KHDRBS2: variants seen among roughly 807,000 people sequenced by gnomAD.
The protein encoded by KHDRBS2 is KH RNA binding domain containing, signal transduction associated 2.
KHDRBS2 carries 26 observed loss-of-function variants against 44.3 expected under a neutral mutation model. The observed-to-expected ratio is 0.59, with a 90% CI of 0.43 to 0.81. The LOEUF (loss-of-function observed/expected upper bound fraction) is 0.81, where lower values mean the gene tolerates loss of function less well. Among genes scored for constraint, KHDRBS2 ranks in the 40% least tolerant of loss-of-function variants. The probability of loss-of-function intolerance (pLI) is 0.00; values close to 1 mark genes in which losing one functional copy is unlikely to be tolerated. For synonymous variants in KHDRBS2, 194 were observed against 151.1 expected, an observed-to-expected ratio of 1.28 and a Z score of -2.08; for missense variants, 476 against 433.1, an observed-to-expected ratio of 1.10 and a Z score of -0.88.
chr6:61,798,024 TCTC>T (rs1179820715), intron 6 of KHDRBS2, among the ~76,000 whole-genome samples: 1 of 151,904 alleles, frequency 6.6e-6, no homozygotes, highest in African/African-American at 2.4e-5. Flanking sequence ...CCTCCCACCT[TCTC>T]CTCTCAAGTC....
intron 6 of KHDRBS2, among the ~76,000 whole-genome samples, chr6:61,812,045 A>G (rs1414336973): frequency 1.3e-5 from 2 of 152,070 alleles, no homozygotes; most frequent in Non-Finnish European, 2.9e-5. Context: ...TAGCATATGG[A>G]AAAGATCTTT....
At chr6:62,010,924 C>T (rs769941383) in intron 3 of KHDRBS2, among the ~76,000 whole-genome samples, 2 of 152,048 alleles carry the variant, frequency 1.3e-5, no homozygotes, top group African/African-American at 2.4e-5. Flanking sequence ...AGGGCCCAAA[C>T]ATTCCACCTC....
Position 61,773,702 on chromosome 6 carries a change from A to G in KHDRBS2, c.811-40938T>C, listed in dbSNP as rs916303400. On this transcript the variant is annotated intron_variant, in intron 6 of 8. Transcript: ENST00000281156. ...GTTGCCATTGCTTTTGGTGTTGTAG[A>G]CATGAAGTCCTTGCCCATGCCTATG... Among the ~76,000 whole-genome samples the G allele has an allele frequency of 3.4e-3, 515 of 151,698 alleles. 7 individuals carry two copies. Among genetic ancestry groups the G allele is most frequent in the Non-Finnish European group, 1.5e-3 (105 of 67,956 alleles).
intron 3 of KHDRBS2, among the ~76,000 whole-genome samples, chr6:62,022,818 A>T (rs1782592395): frequency 1.3e-5 from 2 of 151,696 alleles, no homozygotes; most frequent in Admixed American, 1.3e-4. Flanking sequence ...ACGAGTTAAT[A>T]TTTTGTTTAT....
chr6:61,597,468 G>A, the KHDRBS2 span, among the ~76,000 whole-genome samples: 1 of 151,788 alleles, frequency 6.6e-6, no homozygotes, highest in Non-Finnish European at 1.5e-5. Context: ...TCCTCAAGAG[G>A]TCTCACAGTC....
chr6:62,051,992 T>C (rs945599454), intron 2 of KHDRBS2, among the ~76,000 whole-genome samples: 1 of 151,956 alleles, frequency 6.6e-6, no homozygotes, highest in Non-Finnish European at 1.5e-5. Context: ...TACCAAATTT[T>C]TACTTGAGTG....
Position 61,818,409 on chromosome 6 carries a change from G to T in KHDRBS2, c.810+76226C>A, listed in dbSNP as rs1789335952. Among the ~76,000 whole-genome samples the T allele has an allele frequency of 2.6e-5, 4 of 151,736 alleles. 1 individual carries two copies. The South Asian group carries it at 8.3e-4, about 31-fold the overall frequency. On this transcript the variant is annotated intron_variant, in intron 6 of 8. Transcript: ENST00000281156. ...ATAGAAGAAATAATGATTAAAAAGAGAAGTGGAAGCACCAATGCTAAAAAA... is the reference window on the plus strand; with the variant it reads ...ATAGAAGAAATAATGATTAAAAAGATAAGTGGAAGCACCAATGCTAAAAAA...
At chr6:61,895,469 G>A (rs897581826) in intron 5 of KHDRBS2, among the ~76,000 whole-genome samples, 4 of 152,158 alleles carry the variant, frequency 2.6e-5, no homozygotes, top group African/African-American at 9.7e-5. Flanking sequence ...CCCTGAACTG[G>A]TGCAGTCCCT....
chr6:62,087,201 A>G (rs1277665693), intron 2 of KHDRBS2, among the ~76,000 whole-genome samples: 1 of 152,118 alleles, frequency 6.6e-6, no homozygotes, highest in Non-Finnish European at 1.5e-5. Flanking sequence ...TGATCCATAT[A>G]ACATTCCACA....
rs33984802 is a variant in KHDRBS2, at chr6:62,172,698, G to GAAAA, written c.219+4483_219+4486dup. On this transcript the variant is annotated intron_variant, in intron 2 of 8. Transcript: ENST00000281156. ...GCCATAAAACAATCCCCAGCAAACT[G>GAAAA]AAAAAAAAAAAAAAAAAAAAACCTG... Among the ~76,000 whole-genome samples the GAAAA allele has an allele frequency of 9.8e-4, 72 of 73,422 alleles. 1 individual carries two copies. The highest frequency in any genetic ancestry group is 1.4e-3 in the East Asian group (3 of 2,154). The allele number at this position is 73,422 out of a possible 152,430, so 48.2% of individuals were successfully genotyped here. A position where few individuals can be genotyped will look rare whatever the true frequency, so the allele number is the denominator to read the frequency against.
intron 2 of KHDRBS2, among the ~76,000 whole-genome samples, chr6:62,058,507 T>C (rs1790837591): frequency 6.6e-6 from 1 of 151,846 alleles, no homozygotes; most frequent in Non-Finnish European, 1.5e-5. Flanking sequence ...TATCCTTGTG[T>C]TTGTTGCCAT....
At chr6:62,101,080 C>T (rs969675605) in intron 2 of KHDRBS2, among the ~76,000 whole-genome samples, 9 of 152,128 alleles carry the variant, frequency 5.9e-5, no homozygotes, top group African/African-American at 1.9e-4. Flanking sequence ...ATAGCTCATT[C>T]ATAATGTGGC....
At chr6:61,792,227 C>T (rs1784729808) in intron 6 of KHDRBS2, among the ~76,000 whole-genome samples, 1 of 151,486 alleles carries the variant, frequency 6.6e-6, no homozygotes, top group South Asian at 2.1e-4. Flanking sequence ...CCATCCACCG[C>T]TCCTAACCTT....
Position 61,742,873 on chromosome 6 carries a change from T to C in KHDRBS2, c.811-10109A>G, listed in dbSNP as rs570235693. ...GAAGCTATTCTGTACCTTCCTTTCC[T>C]ATGTAGATTGTAGCTGCTAAACAAT... On this transcript the variant is annotated intron_variant, in intron 6 of 8. Coordinates refer to ENST00000281156, the MANE Select transcript of KHDRBS2 (RefSeq NM_152688.4). Among the ~76,000 whole-genome samples the C allele has an allele frequency of 2.5e-4, 38 of 152,256 alleles. No individual in the cohort carries two copies. In the South Asian group the frequency reaches 7.2e-3, roughly 29 times the overall value.
At chr6:61,826,444 G>T (rs1790874059) in intron 6 of KHDRBS2, among the ~76,000 whole-genome samples, 1 of 152,028 alleles carries the variant, frequency 6.6e-6, no homozygotes, top group Non-Finnish European at 1.5e-5. Flanking sequence ...GTCTCTCATG[G>T]TGGCTGCTTT....
intron 6 of KHDRBS2, among the ~76,000 whole-genome samples, chr6:61,834,292 A>C (rs1389430623): frequency 6.6e-6 from 1 of 152,036 alleles, no homozygotes; most frequent in Non-Finnish European, 1.5e-5. Flanking sequence ...CACAAAAGGC[A>C]TTTTCCTTAC....
intron 7 of KHDRBS2, among the ~76,000 whole-genome samples, chr6:61,698,119 C>G (rs968555678): frequency 7.2e-5 from 11 of 152,152 alleles, no homozygotes; most frequent in African/African-American, 2.7e-4. Context: ...TTTTCACATT[C>G]AATGGTCAAG....
chr6:61,946,404 C>T (rs1813382993), intron 4 of KHDRBS2, among the ~76,000 whole-genome samples: 1 of 152,166 alleles, frequency 6.6e-6, no homozygotes, highest in Non-Finnish European at 1.5e-5. Context: ...TGCTGTCTTG[C>T]TTGGCACTAG....
At chr6:61,579,126 A>T in the KHDRBS2 span, among the ~76,000 whole-genome samples, 1 of 152,120 alleles carries the variant, frequency 6.6e-6, no homozygotes, top group East Asian at 1.9e-4. Context: ...TATAGAGAAC[A>T]CATTAGCTAT....
Sources: gnomAD v4.1 joint callset for allele counts (sites outside exome capture counted in the v4.1 genomes callset) on GRCh38, gnomAD v4.1.1 for gene constraint, MANE v1.5 for transcripts, NCBI Gene and HGNC (gene_info 2026-07-23, HGNC 2026-07-21) for gene names.